DHCR7: variants seen among roughly 807,000 people sequenced by gnomAD.
DHCR7 encodes the protein 7-DHC reductase.
DHCR7 carries 40 observed loss-of-function variants against 43.3 expected under a neutral mutation model. That is an observed-to-expected ratio of 0.92 (90% CI 0.72 to 1.20). The LOEUF is 1.20. Ranked by LOEUF, DHCR7 falls within the 50% of genes most tolerant of loss-of-function variation. DHCR7 has a pLI of 0.00. For missense variants in DHCR7, 608 were observed against 644.6 expected (o/e 0.94, Z 0.62); for synonymous variants, 298 against 271.4 (o/e 1.10, Z -0.96).
intron 6 of DHCR7, among the ~76,000 whole-genome samples, chr11:71,440,064 T>C (rs1949331808): frequency 2.0e-5 from 3 of 151,906 alleles, no homozygotes; most frequent in Non-Finnish European, 4.4e-5. Context: ...GAAGGATGGA[T>C]GAATGGGATG....
At chr11:71,432,602 A>G (rs1272070127), downstream of DHCR7, among the ~76,000 whole-genome samples, 1 of 152,232 alleles carries the variant, frequency 6.6e-6, no homozygotes, top group Non-Finnish European at 1.5e-5. Context: ...AATATATAAT[A>G]CATTCCGAAC....
In DHCR7 at chr11:71,444,020, C is replaced by T. The variant is rs1209981156; in HGVS notation, c.294G>A (p.Gln98=). ...KTPPITRKAA[Q]LYTLWVTFQV... ...GGAAGGTGACCCACAAGGTATAGAG[C>T]TGGGCGGCTTTCCTCGTTATAGGTG... The change falls in exon 4 of 9, where the codon CAG becomes CAA. Residue 98 remains glutamine, a synonymous_variant. Coordinates refer to ENST00000355527, the MANE Select transcript of DHCR7 (RefSeq NM_001360.3). 5.6e-6 allele frequency: 9 copies of T among 1,612,684 alleles called. No individual in the cohort carries two copies. The Admixed American group carries it at 1.5e-4, about 27-fold the overall frequency.
At chr11:71,440,416 G>A (rs1157881140) in intron 6 of DHCR7, among the ~76,000 whole-genome samples, 1 of 150,964 alleles carries the variant, frequency 6.6e-6, no homozygotes, top group Non-Finnish European at 1.5e-5. Context: ...ATAGATGACG[G>A]GTGGGTAGAC....
At chr11:71,444,649 GT>G (rs1364074176) in intron 3 of DHCR7, among the ~76,000 whole-genome samples, 1 of 151,350 alleles carries the variant, frequency 6.6e-6, no homozygotes, top group African/African-American at 2.4e-5. Context: ...TTTCTAAGTT[GT>G]TGACTGACCA....
chr11:71,427,626 G>A (rs1949206497), downstream of DHCR7, among the ~76,000 whole-genome samples: 1 of 152,138 alleles, frequency 6.6e-6, no homozygotes, highest in Admixed American at 6.5e-5. Flanking sequence ...TCACTAAGAA[G>A]GCTCAGGAAA....
At chr11:71,447,811 T>C (rs956237057) in intron 1 of DHCR7, 77 bp from the exon 2 acceptor site, 2 of 152,336 alleles carry the variant, frequency 1.3e-5, no homozygotes, top group African/African-American at 2.4e-5. Flanking sequence ...AGGCCCACAG[T>C]AGGAGTCAAG....
upstream of DHCR7, chr11:71,448,590 G>T (rs1030521563): frequency 2.0e-5 from 3 of 152,274 alleles, no homozygotes; most frequent in Non-Finnish European, 2.9e-5. Context: ...CCACCGGCCC[G>T]CCCGGGCCCT....
In DHCR7 at chr11:71,435,747, C is replaced by A. The variant is rs1214267485; in HGVS notation, c.1056G>T (p.Arg352=). 3 of 1,612,152 alleles carry A rather than the reference C, an allele frequency of 1.9e-6. No individual in the cohort carries two copies. Among genetic ancestry groups the A allele is most frequent in the Non-Finnish European group, 2.5e-6 (3 of 1,179,158 alleles). The stretch of plus-strand genomic sequence containing the variant: ...ACAGGTCCTTCTGGTGGTTGGCCAC[C>A]CGGAAGATGTAGTAGCCCACCAGGC... ...LLGLVGYYIF[R]VANHQKDLFR... Residue 352 remains arginine (R), a synonymous_variant, in exon 9 of 9, where the codon CGG becomes CGT. Transcript: ENST00000355527.
chr11:71,445,391 G>A (rs1949395045), intron 2 of DHCR7, among the ~76,000 whole-genome samples: 1 of 152,208 alleles, frequency 6.6e-6, no homozygotes, highest in African/African-American at 2.4e-5. Context: ...AGGTGTCCTT[G>A]TTCAGGGCTC....
downstream of DHCR7, chr11:71,428,136 C>T (rs1312682816): frequency 6.6e-6 from 1 of 152,156 alleles, no homozygotes; most frequent in East Asian, 1.9e-4. Context: ...TGCTAATTTA[C>T]TTATTTCTTC....
In DHCR7 at chr11:71,435,692, A is replaced by G. The variant is rs1467146122; in HGVS notation, c.1111T>C (p.Trp371Arg). ...TCGATGACCTTGGGCTTCCTGCCCC[A>G]GATGAGGCAGCGCCCATCCGTGCGG... The part of the protein sequence containing the change: ...FRRTDGRCLI[W>R]GRKPKVIECS... Residue 371 changes from tryptophan (W) to arginine (R), a missense_variant, in exon 9 of 9, where the codon TGG becomes CGG. Transcript: ENST00000355527. The G allele has an allele frequency of 6.2e-7, 1 of 1,613,140 alleles. No homozygotes were observed. The highest frequency in any genetic ancestry group is 8.5e-7 in the Non-Finnish European group (1 of 1,179,980).
intron 4 of DHCR7, 26 bp downstream of exon 4, chr11:71,443,967 C>A (rs765883578): frequency 1.9e-6 from 3 of 1,594,778 alleles, no homozygotes; most frequent in Admixed American, 1.7e-5. Context: ...CTGCTGTGTC[C>A]CAACCCCAGG....
chr11:71,441,722 T>A (rs1949350430), intron 5 of DHCR7, among the ~76,000 whole-genome samples: 1 of 151,766 alleles, frequency 6.6e-6, no homozygotes, highest in South Asian at 2.1e-4. Context: ...GATAGGGAGG[T>A]CAGGGCTGAG....
In DHCR7 at chr11:71,442,277, G is replaced by C; in HGVS notation, c.398C>G (p.Ala133Gly). 3 of 1,613,140 alleles carry C rather than the reference G, an allele frequency of 1.9e-6. No homozygotes were observed. Among genetic ancestry groups the C allele is most frequent in the Non-Finnish European group, 2.5e-6 (3 of 1,179,464 alleles). ...GAGGAGGCTACCTGCAGGAGTCACG[G>C]CCCCCTCCTGGATGCCTCCTACGTA... ...PGYVGGIQEG[A>G]VTPAGVVNKY... Residue 133 changes from alanine (A) to glycine (G), a missense_variant, in exon 5 of 9, where the codon GCC (alanine) becomes GGC (glycine). Ala to Gly is a moderately conservative substitution (Grantham distance 60). Transcript: ENST00000355527.
At position 71,442,216 on chromosome 11, in the gene DHCR7, A is replaced by C. The variant is rs756945418; in HGVS notation, c.412+47T>G. ...CTGGGGAGGACTGGCCCCTGAGAGA[A>C]AGGGATGAGAACGGGAGCCTGGGGA... On this transcript the variant is annotated intron_variant, in intron 5 of 8. Coordinates refer to ENST00000355527, the MANE Select transcript of DHCR7 (RefSeq NM_001360.3). 2.9e-6 allele frequency: 4 copies of C among 1,401,738 alleles called. No homozygotes were observed. The East Asian group carries it at 9.2e-5, about 32-fold the overall frequency. 86.8% of individuals were successfully genotyped at this position (1,401,738 alleles called of 1,614,324 possible). A position where few individuals can be genotyped will look rare whatever the true frequency, so the allele number is the denominator to read the frequency against.
rs777709295 is a variant in DHCR7, at chr11:71,444,011, G to A, written c.303C>T (p.Thr101=). ...TGCTGACCTGGAAGGTGACCCACAA[G>A]GTATAGAGCTGGGCGGCTTTCCTCG... ...PITRKAAQLY[T]LWVTFQVLLY... is the part of the protein sequence containing the mutation. Residue 101 remains threonine, a synonymous_variant, in exon 4 of 9, where the codon ACC becomes ACT. Coordinates refer to ENST00000355527, the MANE Select transcript of DHCR7 (RefSeq NM_001360.3). The A allele has an allele frequency of 9.3e-6, 15 of 1,612,150 alleles. No homozygotes were observed. The Admixed American group carries it at 2.3e-4, about 25-fold the overall frequency.
chr11:71,443,696 C>G (rs1224536513), intron 4 of DHCR7, among the ~76,000 whole-genome samples: 1 of 152,208 alleles, frequency 6.6e-6, no homozygotes, highest in African/African-American at 2.4e-5. Flanking sequence ...CAGCACTGCC[C>G]TCCCACGGGG....
At chr11:71,437,650 G>C (rs1034201659) in intron 8 of DHCR7, among the ~76,000 whole-genome samples, 162 bp downstream of exon 8, 1 of 152,212 alleles carries the variant, frequency 6.6e-6, no homozygotes, top group Admixed American at 6.5e-5. Flanking sequence ...CTCCCTGGCT[G>C]CTGGCCCAAG....
chr11:71,441,356 G>A lies in DHCR7; in HGVS notation c.497C>T (p.Ser166Phe). 7 of 1,614,226 alleles carry A rather than the reference G, an allele frequency of 4.3e-6. No homozygotes were observed. The highest frequency in any genetic ancestry group is 5.9e-6 in the Non-Finnish European group (7 of 1,180,036). Reference sequence around the variant, plus strand: ...GAAGATGATGGTGGGCGAGAACCAGGACAGGAGATGAGCGTTTGCAAACCA... The same window carrying A: ...GAAGATGATGGTGGGCGAGAACCAGAACAGGAGATGAGCGTTTGCAAACCA... ...LLWFANAHLL[S>F]WFSPTIIFDN... Residue 166 changes from serine (S) to phenylalanine (F), a missense_variant, in exon 6 of 9, where the codon TCC (serine) becomes TTC (phenylalanine). By Grantham distance (155) the Ser-to-Phe change is radical. Coordinates refer to ENST00000355527, the MANE Select transcript of DHCR7 (RefSeq NM_001360.3).
Sources: allele counts gnomAD v4.1 joint callset (sites outside exome capture counted in the v4.1 genomes callset), GRCh38; gene constraint gnomAD v4.1.1; transcripts MANE v1.5; gene names NCBI Gene and HGNC (gene_info 2026-07-23, HGNC 2026-07-21).